The following AOPEP variants were observed in gnomAD, a reference collection of about 807,000 sequenced individuals.
The protein encoded by AOPEP is aminopeptidase O.
In AOPEP, 77 loss-of-function variants were observed where a neutral mutation model predicts 98.1. That is an observed-to-expected ratio of 0.78 (90% confidence interval 0.65 to 0.95). The LOEUF is 0.95. Ranked by LOEUF, AOPEP falls within the 40% of genes least tolerant of loss-of-function variation. AOPEP has a pLI of 0.00. For missense variants in AOPEP, 1,024 were observed against 1,024.7 expected (o/e 1.00, Z 0.01); for synonymous variants, 346 against 365.3 (o/e 0.95, Z 0.60).
chr9:94,838,909 CTTTTTTT>C (rs35849023), intron 5 of AOPEP, among the ~76,000 whole-genome samples: 7 of 99,766 alleles, frequency 7.0e-5, no homozygotes, highest in Middle Eastern at 0.012. Flanking sequence ...AAATGCTATT[CTTTTTTT>C]TTTTTTTTTT....
At chr9:95,078,657 G>GCCAGACC (rs1338438755) in intron 14 of AOPEP, among the ~76,000 whole-genome samples, 1 of 152,222 alleles carries the variant, frequency 6.6e-6, no homozygotes, top group Non-Finnish European at 1.5e-5. Flanking sequence ...TGGCCATCTC[G>GCCAGACC]CCAGACCACA....
chr9:95,098,244 CCTT>C, the AOPEP span, among the ~76,000 whole-genome samples: 131 of 152,260 alleles, frequency 8.6e-4, no homozygotes, highest in African/African-American at 3.0e-3. Flanking sequence ...CACCAAGGTC[CCTT>C]CTTCTCTGGC....
rs138682154 is a variant in AOPEP at position 94,847,984 on chromosome 9, C to T, written c.1364+46982C>T. Among the ~76,000 whole-genome samples, 5 of 152,160 alleles carry T rather than the reference C, an allele frequency of 3.3e-5. No individual in the cohort carries two copies. In the East Asian group the frequency reaches 9.6e-4, roughly 29 times the overall value. On this transcript the variant is annotated intron_variant, in intron 5 of 16. Transcript: ENST00000375315. ...CAGGACTGGGGACATATCACTTAGGCTTTAATGTTCAGGTCCACACTATTT... is the reference window on the plus strand; with the variant it reads ...CAGGACTGGGGACATATCACTTAGGTTTTAATGTTCAGGTCCACACTATTT...
intron 3 of AOPEP, among the ~76,000 whole-genome samples, chr9:94,780,069 C>T (rs356147): frequency 0.04 from 6,156 of 152,290 alleles, 165 homozygotes; most frequent in Admixed American, 0.072. Flanking sequence ...GGCCTGCTGG[C>T]TAAATCTAGT....
In AOPEP at chr9:94,787,252, C is replaced by T. The variant is rs1032573022; in HGVS notation, c.965-5513C>T. Among the ~76,000 whole-genome samples, 6 of 152,324 alleles carry T rather than the reference C, an allele frequency of 3.9e-5. No individual in the cohort carries two copies. In the East Asian group the frequency reaches 5.8e-4, roughly 15 times the overall value. On this transcript the variant is annotated intron_variant, in intron 3 of 16. Transcript: ENST00000375315. The stretch of plus-strand genomic sequence containing the variant: ...AATTGCTAATCTCCATTTCTCTCCC[C>T]TGCCACATCCTGCTGTGACTTCCGG...
chr9:95,074,472 T>G (rs1474733491), intron 14 of AOPEP, among the ~76,000 whole-genome samples: 1 of 152,192 alleles, frequency 6.6e-6, no homozygotes, highest in Non-Finnish European at 1.5e-5. Context: ...CATGGAGGCT[T>G]TGGAAACCCG....
intron 1 of AOPEP, among the ~76,000 whole-genome samples, chr9:94,727,687 A>G (rs770493528): frequency 1.3e-5 from 2 of 152,198 alleles, no homozygotes; most frequent in South Asian, 2.1e-4. Flanking sequence ...AGTCTGTTCC[A>G]TTTTTGAATA....
intron 5 of AOPEP, among the ~76,000 whole-genome samples, chr9:94,881,137 G>T (rs907945280): frequency 1.3e-5 from 2 of 152,148 alleles, no homozygotes; most frequent in Non-Finnish European, 2.9e-5. Flanking sequence ...GCTGAGCTTG[G>T]TTGGAATTTA....
intron 5 of AOPEP, among the ~76,000 whole-genome samples, chr9:94,819,460 A>C (rs1304741599): frequency 6.6e-6 from 1 of 152,174 alleles, no homozygotes; most frequent in East Asian, 1.9e-4. Context: ...GCCTGTGTTC[A>C]CAGGCCAGCC....
At chr9:94,978,462 GTAAC>G (rs147995313) in intron 10 of AOPEP, among the ~76,000 whole-genome samples, 1,755 of 152,270 alleles carry the variant, frequency 0.012, 31 homozygotes, top group African/African-American at 0.04. Context: ...CGAGGAGACA[GTAAC>G]TAAGTCTAGT....
chr9:95,035,820 C>T (rs2064767119), intron 13 of AOPEP, among the ~76,000 whole-genome samples: 2 of 150,526 alleles, frequency 1.3e-5, no homozygotes, highest in South Asian at 4.2e-4. Flanking sequence ...TGCGCCCAGC[C>T]CAGATAATTT....
chr9:94,993,388 A>T (rs569791938), intron 11 of AOPEP, among the ~76,000 whole-genome samples: 4 of 151,278 alleles, frequency 2.6e-5, no homozygotes, highest in African/African-American at 4.9e-5. Context: ...TTCGTGTTTT[A>T]TGCTGCTTTT....
chr9:94,839,088 CT>C (rs35760706), intron 5 of AOPEP, among the ~76,000 whole-genome samples: 115,792 of 121,328 alleles, frequency 0.95, 55,275 homozygotes, highest in Middle Eastern at 0.99. Context: ...TTTTTGTATT[CT>C]TTTTTTTTTT....
intron 14 of AOPEP, among the ~76,000 whole-genome samples, chr9:95,067,124 A>G (rs1004169374): frequency 3.3e-5 from 5 of 151,226 alleles, no homozygotes; most frequent in Non-Finnish European, 5.9e-5. Context: ...CATGTACACC[A>G]TCTTTGCTCT....
intron 10 of AOPEP, among the ~76,000 whole-genome samples, chr9:94,970,182 A>G (rs560071545): frequency 1.9e-4 from 29 of 152,260 alleles, no homozygotes; most frequent in African/African-American, 6.5e-4. Flanking sequence ...AGGTTTTTCA[A>G]TACTTAATAG....
At chr9:95,048,440 G>A (rs1355192160) in intron 13 of AOPEP, among the ~76,000 whole-genome samples, 1 of 151,886 alleles carries the variant, frequency 6.6e-6, no homozygotes, top group Non-Finnish European at 1.5e-5. Flanking sequence ...CCGGGGCGGG[G>A]CGGGGTGAGG....
intron 1 of AOPEP, among the ~76,000 whole-genome samples, chr9:94,743,886 C>T (rs1833829785): frequency 6.6e-6 from 1 of 152,160 alleles, no homozygotes; most frequent in South Asian, 2.1e-4. Flanking sequence ...CTTGATGCTG[C>T]GGTAGATGTG....
the AOPEP span, among the ~76,000 whole-genome samples, chr9:95,113,409 A>C: frequency 2.0e-5 from 3 of 152,214 alleles, no homozygotes; most frequent in Non-Finnish European, 4.4e-5. Flanking sequence ...AGGAAGCCAA[A>C]GAGTGTTATG....
At chr9:95,031,614 C>T (rs1015616767) in intron 13 of AOPEP, among the ~76,000 whole-genome samples, 3 of 152,130 alleles carry the variant, frequency 2.0e-5, no homozygotes, top group African/African-American at 7.2e-5. Flanking sequence ...TTTTGCAGAT[C>T]AAAGGGGGCT....
Sources: gnomAD v4.1 joint callset for allele counts (sites outside exome capture counted in the v4.1 genomes callset) on GRCh38, gnomAD v4.1.1 for gene constraint, MANE v1.5 for transcripts, NCBI Gene and HGNC (gene_info 2026-07-23, HGNC 2026-07-21) for gene names.